Variants in ZNF276 observed in about 807,000 individuals in gnomAD.
ZNF276 encodes centromere protein Z.
In ZNF276, 59 loss-of-function variants were observed where a neutral mutation model predicts 63.9. The ratio of observed to expected loss-of-function variants is 0.92; its 90% confidence interval spans 0.75 to 1.15. ZNF276 has a LOEUF of 1.15. ZNF276 is among the 50% of genes most tolerant of loss of function. ZNF276 has a pLI of 0.00. For synonymous variants in ZNF276, 496 were observed against 348.4 expected (o/e 1.42, Z -4.72); for missense variants, 1,084 against 843.8 (o/e 1.28, Z -3.53).
chr16:89,739,151 G>T lies in ZNF276; in HGVS notation c.*905G>T. Reference sequence around the variant, plus strand: ...CACCTGCCTGACCCTTGAGCTCCAGGCTCCTGCCAGCTGGAGGTGAAACTG... The same window carrying T: ...CACCTGCCTGACCCTTGAGCTCCAGTCTCCTGCCAGCTGGAGGTGAAACTG... On this transcript the variant is annotated 3_prime_UTR_variant, in exon 11 of 11. Coordinates refer to ENST00000443381, the MANE Select transcript of ZNF276 (RefSeq NM_001113525.2). The T allele has an allele frequency of 1.2e-6, 2 of 1,614,134 alleles. No homozygotes were observed. The highest frequency in any genetic ancestry group is 1.7e-6 in the Non-Finnish European group (2 of 1,180,030).
At chr16:89,721,432 CG>C (rs2061266430), upstream of ZNF276, 4 of 441,676 alleles carry the variant, frequency 9.1e-6, no homozygotes, top group Non-Finnish European at 1.6e-5. Flanking sequence ...GCGGTACGAG[CG>C]GGGGCGCTGG....
chr16:89,734,165 T>A, intron 9 of ZNF276, 127 bp downstream of exon 9: 1 of 767,786 alleles, frequency 1.3e-6, no homozygotes, highest in South Asian at 1.8e-5. Flanking sequence ...ATGGGGTCTT[T>A]GGTACTCAGT....
chr16:89,722,146 C>T (rs2061310172), intron 1 of ZNF276, among the ~76,000 whole-genome samples: 1 of 152,200 alleles, frequency 6.6e-6, no homozygotes, highest in Admixed American at 6.5e-5. Context: ...AATCGCCCTC[C>T]CCTGCTTCGT....
At position 89,733,510 on chromosome 16, in the gene ZNF276, C is replaced by T; in HGVS notation, c.1309C>T (p.Pro437Ser). ...REELPTIYKCPYQGCTAVYRG... is the reference protein window; with the variant it reads ...REELPTIYKCSYQGCTAVYRG... ...GGAGCTTCCCACCATCTACAAGTGT[C>T]CTTACCAGGGCTGCACGGCCGTGTA... The change falls in exon 8 of 11, where the codon CCT becomes TCT. Residue 437 changes from proline to serine, a missense_variant. Coordinates refer to ENST00000443381, the MANE Select transcript of ZNF276 (RefSeq NM_001113525.2). 5 of 1,614,178 alleles carry T rather than the reference C, an allele frequency of 3.1e-6. No individual in the cohort carries two copies. The highest frequency in any genetic ancestry group is 4.2e-6 in the Non-Finnish European group (5 of 1,180,042).
At position 89,721,672 on chromosome 16, in the gene ZNF276, C is replaced by T. The variant is rs923311810; in HGVS notation, c.32C>T (p.Ser11Phe). 3.5e-6 allele frequency: 5 copies of T among 1,444,162 alleles called. No individual in the cohort carries two copies. The African/African-American group carries it at 4.5e-5, about 13-fold the overall frequency. The allele number at this position is 1,444,162 out of a possible 1,614,324, so 89.5% of individuals were successfully genotyped here. The change falls in exon 1 of 11, where the codon TCT (serine) becomes TTT (phenylalanine). Residue 11 changes from serine (S) to phenylalanine (F), a missense_variant. By Grantham distance (155) the Ser-to-Phe change is radical. Transcript: ENST00000443381. Reference sequence around the variant, plus strand: ...CGGGACCGGCTGGGCCGCTTCCTGTCTCCTGGGTCGTCCCGACAGTGCGGG... The same window carrying T: ...CGGGACCGGCTGGGCCGCTTCCTGTTTCCTGGGTCGTCCCGACAGTGCGGG... Reference protein sequence around the residue: MKRDRLGRFLSPGSSRQCGAS... With the variant: MKRDRLGRFLFPGSSRQCGAS...
intron 5 of ZNF276, among the ~76,000 whole-genome samples, chr16:89,728,010 C>T: frequency 6.6e-6 from 1 of 152,182 alleles, no homozygotes; most frequent in East Asian, 1.9e-4. Flanking sequence ...TCCACCCTCT[C>T]CTGTAAACCT....
chr16:89,722,400 C>G (rs1248314790), intron 1 of ZNF276, 131 bp from the exon 2 acceptor site: 3 of 1,059,730 alleles, frequency 2.8e-6, no homozygotes, highest in South Asian at 1.6e-5. Context: ...GCCGCGCGCC[C>G]GAGCCGCTTG....
At chr16:89,737,713 C>G in intron 9 of ZNF276, 93 bp from the exon 10 acceptor site, 7 of 1,592,224 alleles carry the variant, frequency 4.4e-6, no homozygotes. Flanking sequence ...GCAGAAATGT[C>G]TTCCCAGCTG....
At position 89,739,438 on chromosome 16, in the gene ZNF276, AAC is replaced by A; in HGVS notation, c.*1195_*1196del. On this transcript the variant is annotated 3_prime_UTR_variant, in exon 11 of 11. Transcript: ENST00000443381. ...GAGGTGCTGAGATGGGGGTCTGGGA[AAC>A]ACTGCCCAGCCCTGACCAGCCCTGT... 1 of 1,553,696 alleles carries A rather than the reference AAC, an allele frequency of 6.4e-7. No homozygotes were observed. Among genetic ancestry groups the A allele is most frequent in the East Asian group, 2.4e-5 (1 of 41,422 alleles).
intron 9 of ZNF276, chr16:89,737,460 G>C (rs936290800): frequency 1.7e-5 from 5 of 290,952 alleles, no homozygotes; most frequent in Non-Finnish European, 3.3e-5. Flanking sequence ...GGCGCAGGTT[G>C]CAGTGAGCTG....
intron 6 of ZNF276, chr16:89,732,458 G>A (rs1049505078): frequency 6.5e-6 from 1 of 153,376 alleles, no homozygotes; most frequent in Admixed American, 6.5e-5. Flanking sequence ...GACCCATTTT[G>A]AGAGAGTGGA....
chr16:89,735,272 C>A (rs1332014844), intron 9 of ZNF276, among the ~76,000 whole-genome samples: 1 of 147,786 alleles, frequency 6.8e-6, no homozygotes, highest in Non-Finnish European at 1.5e-5. Context: ...TCAGTATGAG[C>A]AGATTTTGGT....
At chr16:89,725,712 C>T (rs1395193891) in intron 4 of ZNF276, among the ~76,000 whole-genome samples, 2 of 151,936 alleles carry the variant, frequency 1.3e-5, no homozygotes, top group African/African-American at 4.8e-5. Flanking sequence ...AATCGCTTGA[C>T]CCTGGGAGGC....
Position 89,721,800 on chromosome 16 carries a change from G to A in ZNF276, c.160G>A (p.Val54Met). The A allele has an allele frequency of 8.0e-7, 1 of 1,254,262 alleles. No individual in the cohort carries two copies. 77.7% of individuals were successfully genotyped at this position (1,254,262 alleles called of 1,614,324 possible). The change falls in exon 1 of 11, where the codon GTG (valine) becomes ATG (methionine). Residue 54 changes from valine to methionine, a missense_variant. By Grantham distance (21) the Val-to-Met change is conservative. Transcript: ENST00000443381. ...GATARRAWGP[V>M]GSCGDAGEDG... ...GACGGCGCGGCGCGCCTGGGGCCCG[G>A]TGGGGTCCTGCGGGGACGCGGGCGA...
rs760276584 is a variant in ZNF276, at chr16:89,739,039, C to G, written c.*793C>G. Reference sequence around the variant, plus strand: ...ACAGAAACAGGGCTGGTGTGTCCCCCATAGTCTGCATGCTGTGCCGGAACA... The same window carrying G: ...ACAGAAACAGGGCTGGTGTGTCCCCGATAGTCTGCATGCTGTGCCGGAACA... On this transcript the variant is annotated 3_prime_UTR_variant, in exon 11 of 11. Transcript: ENST00000443381. The G allele has an allele frequency of 1.9e-6, 3 of 1,614,034 alleles. No individual in the cohort carries two copies. Among genetic ancestry groups the G allele is most frequent in the Non-Finnish European group, 8.5e-7 (1 of 1,179,926 alleles).
chr16:89,729,405 A>G, intron 6 of ZNF276, 87 bp downstream of exon 6: 2 of 1,153,834 alleles, frequency 1.7e-6, no homozygotes, highest in South Asian at 2.5e-5. Context: ...CCCGGTGCCC[A>G]CTCAGTTCAC....
Position 89,739,601 on chromosome 16 carries a change from T to C in ZNF276, c.*1355T>C, listed in dbSNP as rs1477414705. 6.5e-7 allele frequency: 1 copy of C among 1,541,368 alleles called. No homozygotes were observed. The highest frequency in any genetic ancestry group is 1.7e-4 in the Middle Eastern group (1 of 5,960). ...AGGCAACTCTGGACATCTCTGCCTA[T>C]TATCAGTGCTGGGGACACCCCTGGG... On this transcript the variant is annotated 3_prime_UTR_variant, in exon 11 of 11. Transcript: ENST00000443381.
intron 9 of ZNF276, among the ~76,000 whole-genome samples, chr16:89,735,234 G>A (rs1232065278): frequency 2.6e-5 from 4 of 151,930 alleles, no homozygotes; most frequent in African/African-American, 9.7e-5. Context: ...AGGTTCTGTA[G>A]GGTCTTTGCA....
In ZNF276 at chr16:89,733,960, C is replaced by T; in HGVS notation, c.1396C>T (p.Pro466Ser). Residue 466 changes from proline (P) to serine (S), a missense_variant, in exon 9 of 11, where the codon CCC becomes TCC. Pro to Ser is a moderately conservative substitution (Grantham distance 74). Coordinates refer to ENST00000443381, the MANE Select transcript of ZNF276 (RefSeq NM_001113525.2). ...GCACCACGAGGAGGTCCGGGAGCGG[C>T]CCTGCCCCCACCCTGGCTGCAACAA... ...KEHHEEVRER[P>S]CPHPGCNKVF... is the part of the protein sequence containing the mutation. The T allele has an allele frequency of 1.2e-6, 2 of 1,614,042 alleles. No individual in the cohort carries two copies. Among genetic ancestry groups the T allele is most frequent in the Non-Finnish European group, 1.7e-6 (2 of 1,180,024 alleles).
Sources: allele counts gnomAD v4.1 joint callset (sites outside exome capture counted in the v4.1 genomes callset), GRCh38; gene constraint gnomAD v4.1.1; transcripts MANE v1.5; gene names NCBI Gene and HGNC (gene_info 2026-07-23, HGNC 2026-07-21).